Variants in CACNA2D1 observed in about 807,000 individuals in gnomAD.
CACNA2D1 encodes calcium voltage-gated channel auxiliary subunit alpha2delta 1.
CACNA2D1 carries 53 observed loss-of-function variants against 171.5 expected under a neutral mutation model. The observed-to-expected ratio is 0.31, with a 90% CI of 0.25 to 0.39. The LOEUF (loss-of-function observed/expected upper bound fraction) is 0.39. Among genes scored for constraint, CACNA2D1 ranks in the 10% least tolerant of loss-of-function variants. CACNA2D1 has a pLI of 1.00. For missense variants in CACNA2D1, 903 were observed against 1,299.8 expected, an observed-to-expected ratio of 0.69 and a Z score of 4.69; for synonymous variants, 442 against 443.1, an observed-to-expected ratio of 1.00 and a Z score of 0.03.
chr7:82,047,376 T>C (rs140722017), intron 10 of CACNA2D1, among the ~76,000 whole-genome samples: 27 of 152,300 alleles, frequency 1.8e-4, no homozygotes, highest in Non-Finnish European at 3.1e-4. Flanking sequence ...ATTTTCATGA[T>C]ACCTGAAGCT....
chr7:82,359,549 C>A (rs929352917), intron 1 of CACNA2D1, among the ~76,000 whole-genome samples: 1 of 152,090 alleles, frequency 6.6e-6, no homozygotes, highest in African/African-American at 2.4e-5. Flanking sequence ...TCTTTAAATA[C>A]GTTTTCTTTC....
intron 4 of CACNA2D1, among the ~76,000 whole-genome samples, chr7:82,139,459 C>A (rs1287440315): frequency 6.6e-6 from 1 of 151,974 alleles, no homozygotes; most frequent in Non-Finnish European, 1.5e-5. Flanking sequence ...TTTTGTTTCC[C>A]TTTTTTGTGT....
intron 3 of CACNA2D1, among the ~76,000 whole-genome samples, chr7:82,246,330 G>A (rs1052586143): frequency 2.0e-5 from 3 of 151,660 alleles, no homozygotes; most frequent in Non-Finnish European, 4.4e-5. Context: ...ACCTGTTCTT[G>A]CTCATATGAT....
chr7:81,996,015 T>A (rs922182248), intron 19 of CACNA2D1, among the ~76,000 whole-genome samples: 2 of 152,186 alleles, frequency 1.3e-5, no homozygotes, highest in African/African-American at 4.8e-5. Flanking sequence ...TCTAATTTAG[T>A]TCAAATATTT....
chr7:81,963,495 T>C (rs1252667780), intron 34 of CACNA2D1, among the ~76,000 whole-genome samples: 1 of 151,974 alleles, frequency 6.6e-6, no homozygotes, highest in Non-Finnish European at 1.5e-5. Context: ...TTTAAATGTC[T>C]TATTTTCATA....
intron 10 of CACNA2D1, among the ~76,000 whole-genome samples, chr7:82,056,024 A>AT (rs1223697303): frequency 3.4e-5 from 5 of 145,764 alleles, no homozygotes; most frequent in Admixed American, 2.1e-4. Context: ...AAAAAAAAAA[A>AT]AAAAAAAGGC....
intron 7 of CACNA2D1, among the ~76,000 whole-genome samples, chr7:82,068,872 C>T (rs549171479): frequency 1.3e-5 from 2 of 152,048 alleles, no homozygotes; most frequent in South Asian, 2.1e-4. Context: ...ATATATATTA[C>T]TATATTCCAT....
At chr7:82,135,144 A>T (rs1791456575) in intron 5 of CACNA2D1, among the ~76,000 whole-genome samples, 1 of 152,068 alleles carries the variant, frequency 6.6e-6, no homozygotes, top group African/African-American at 2.4e-5. Context: ...CCTTAATTGG[A>T]GGATTGCACG....
At chr7:82,103,998 T>A (rs964059247) in intron 6 of CACNA2D1, among the ~76,000 whole-genome samples, 11 of 152,026 alleles carry the variant, frequency 7.2e-5, no homozygotes, top group Non-Finnish European at 1.3e-4. Context: ...ATATTCAAAT[T>A]TTCAGGTTTT....
At chr7:82,173,148 A>T (rs1214907116) in intron 3 of CACNA2D1, among the ~76,000 whole-genome samples, 1 of 152,072 alleles carries the variant, frequency 6.6e-6, no homozygotes, top group Non-Finnish European at 1.5e-5. Context: ...AACATAATCC[A>T]TGTTTAGTAA....
At chr7:82,340,822 GATAA>G (rs1449825662) in intron 2 of CACNA2D1, among the ~76,000 whole-genome samples, 1 of 152,060 alleles carries the variant, frequency 6.6e-6, no homozygotes, top group Non-Finnish European at 1.5e-5. Flanking sequence ...AGACAAACTG[GATAA>G]ATAAATATCA....
rs867515012 is a variant in CACNA2D1, at chr7:82,170,612, G to A, written c.295-3C>T. The A allele has an allele frequency of 6.2e-7, 1 of 1,612,088 alleles. No individual in the cohort carries two copies. Among genetic ancestry groups the A allele is most frequent in the Middle Eastern group, 1.7e-4 (1 of 6,046 alleles). On this transcript the variant is annotated splice_polypyrimidine_tract_variant and splice_region_variant and intron_variant, in intron 3 of 38. Coordinates refer to ENST00000356860, the MANE Select transcript of CACNA2D1 (RefSeq NM_000722.4). Reference sequence around the variant, plus strand: ...TTCTCCGCTTCCAATGCCAGGCGCTGAAAAACAAACAATAAATCTTAGAAT... The same window carrying A: ...TTCTCCGCTTCCAATGCCAGGCGCTAAAAAACAAACAATAAATCTTAGAAT...
At chr7:81,972,524 T>C (rs1006280672) in intron 25 of CACNA2D1, among the ~76,000 whole-genome samples, 3 of 151,816 alleles carry the variant, frequency 2.0e-5, no homozygotes, top group African/African-American at 2.4e-5. Context: ...CTGGTATTGG[T>C]CAAAGAACCA....
At chr7:82,242,211 G>A (rs1351914531) in intron 3 of CACNA2D1, among the ~76,000 whole-genome samples, 1 of 152,108 alleles carries the variant, frequency 6.6e-6, no homozygotes, top group Non-Finnish European at 1.5e-5. Flanking sequence ...CCAAGAGTAA[G>A]AACCGTATAA....
At chr7:82,154,650 A>G (rs1331342392) in intron 4 of CACNA2D1, among the ~76,000 whole-genome samples, 2 of 152,190 alleles carry the variant, frequency 1.3e-5, no homozygotes, top group African/African-American at 2.4e-5. Context: ...TAAATATTGA[A>G]GAAGAGTATT....
intron 5 of CACNA2D1, among the ~76,000 whole-genome samples, chr7:82,128,885 AT>A (rs922651644): frequency 1.3e-5 from 2 of 151,660 alleles, no homozygotes; most frequent in Non-Finnish European, 2.9e-5. Context: ...GTCTTAAGGT[AT>A]TTTTTTTAAT....
At chr7:82,063,642 A>G (rs938667196) in intron 9 of CACNA2D1, among the ~76,000 whole-genome samples, 4 of 151,322 alleles carry the variant, frequency 2.6e-5, no homozygotes, top group African/African-American at 9.7e-5. Flanking sequence ...TTTACACTTC[A>G]TGTTTATTTT....
At position 82,365,838 on chromosome 7, in the gene CACNA2D1, T is replaced by C. The variant is rs757947327; in HGVS notation, c.96-16189A>G. On this transcript the variant is annotated intron_variant, in intron 1 of 38. Transcript: ENST00000356860. ...GATTTGAAGACAGCCTGAACTTATA[T>C]TGCACAATTTGCATGACCCTCCTAG... Among the ~76,000 whole-genome samples, 64 of 152,328 alleles carry C rather than the reference T, an allele frequency of 4.2e-4. 1 individual carries two copies. Among genetic ancestry groups the C allele is most frequent in the Non-Finnish European group, 8.1e-4 (55 of 68,032 alleles).
At chr7:82,369,954 C>T (rs562690099) in intron 1 of CACNA2D1, among the ~76,000 whole-genome samples, 20 of 152,074 alleles carry the variant, frequency 1.3e-4, no homozygotes, top group Non-Finnish European at 2.7e-4. Context: ...ATGGCAAAAG[C>T]GGCCTAATCA....
Sources: gnomAD v4.1 joint callset for allele counts (sites outside exome capture counted in the v4.1 genomes callset) on GRCh38, gnomAD v4.1.1 for gene constraint, MANE v1.5 for transcripts, NCBI Gene and HGNC (gene_info 2026-07-23, HGNC 2026-07-21) for gene names.